TSPAN9: variants seen among roughly 807,000 people sequenced by gnomAD.
The protein encoded by TSPAN9 is tetraspanin-9.
TSPAN9 carries 16 observed loss-of-function variants against 31.0 expected under a neutral mutation model. That is an observed-to-expected ratio of 0.52 (90% confidence interval 0.35 to 0.78). The LOEUF (loss-of-function observed/expected upper bound fraction) is 0.78. TSPAN9 is among the 30% of genes least tolerant of loss of function. The probability of loss-of-function intolerance (pLI) is 0.01; values close to 1 mark genes in which losing one functional copy is unlikely to be tolerated. For synonymous variants in TSPAN9, 145 were observed against 121.6 expected (o/e 1.19, Z -1.27); for missense variants, 272 against 312.5 (o/e 0.87, Z 0.98).
chr12:3,261,684 T>G (rs914018712), intron 3 of TSPAN9, among the ~76,000 whole-genome samples: 1 of 152,198 alleles, frequency 6.6e-6, no homozygotes, highest in African/African-American at 2.4e-5. Flanking sequence ...TTTTGCGATT[T>G]GAGAAGCAAC....
intron 3 of TSPAN9, among the ~76,000 whole-genome samples, chr12:3,219,454 G>A (rs1048880768): frequency 1.3e-5 from 2 of 152,132 alleles, no homozygotes; most frequent in Non-Finnish European, 2.9e-5. Flanking sequence ...GGTGTGGGTC[G>A]GGCACCTGTC....
At chr12:3,223,699 T>C (rs137915609) in intron 3 of TSPAN9, among the ~76,000 whole-genome samples, 353 of 152,312 alleles carry the variant, frequency 2.3e-3, no homozygotes, top group Non-Finnish European at 3.9e-3. Context: ...GGAACACTCC[T>C]TATGGAGCTG....
intron 3 of TSPAN9, among the ~76,000 whole-genome samples, chr12:3,258,635 G>T (rs1207693502): frequency 6.6e-6 from 1 of 152,124 alleles, no homozygotes; most frequent in Admixed American, 6.5e-5. Context: ...CACCAAGGCT[G>T]CAGGGAGCTT....
chr12:3,155,566 C>T (rs1339500015), intron 2 of TSPAN9, among the ~76,000 whole-genome samples: 2 of 151,630 alleles, frequency 1.3e-5, no homozygotes, highest in Non-Finnish European at 2.9e-5. Flanking sequence ...GCCACTGTGG[C>T]CCTGATGACA....
At chr12:3,102,391 T>G (rs1400158317) in intron 2 of TSPAN9, among the ~76,000 whole-genome samples, 2 of 151,866 alleles carry the variant, frequency 1.3e-5, no homozygotes, top group Non-Finnish European at 2.9e-5. Flanking sequence ...GCTCCCAAAG[T>G]GCTGGGGTTA....
Position 3,285,893 on chromosome 12 carries a change from G to A in TSPAN9, c.*2777G>A, listed in dbSNP as rs1863006002. On this transcript the variant is annotated 3_prime_UTR_variant, in exon 9 of 9. Coordinates refer to ENST00000011898, the MANE Select transcript of TSPAN9 (RefSeq NM_006675.5). ...ACAGGCTGAGAACTGCTCTTGGGTG[G>A]TGGAAGCAGGTGTCACGGTGCAAGT... is the stretch of plus-strand genomic sequence containing the variant. The A allele has an allele frequency of 6.6e-6, 1 of 152,250 alleles. No individual in the cohort carries two copies. The highest frequency in any genetic ancestry group is 2.4e-5 in the African/African-American group (1 of 41,442). 9.4% of individuals were successfully genotyped at this position (152,250 alleles called of 1,614,324 possible). A position where few individuals can be genotyped will look rare whatever the true frequency, so the allele number is the denominator to read the frequency against.
Position 3,271,140 on chromosome 12 carries a change from C to A in TSPAN9, c.64-7281C>A, listed in dbSNP as rs111921990. Among the ~76,000 whole-genome samples the A allele has an allele frequency of 6.5e-3, 988 of 152,258 alleles. 13 individuals carry two copies. The highest frequency in any genetic ancestry group is 0.022 in the African/African-American group (931 of 41,538). ...GGCACAAAAATATGGGTGTCATCTC[C>A]CTGACACCTTTGTAAGTTGGTGAGA... On this transcript the variant is annotated intron_variant, in intron 3 of 8. Transcript: ENST00000011898.
At chr12:3,198,749 GCACAGCT>G (rs1243189200) in intron 2 of TSPAN9, among the ~76,000 whole-genome samples, 23 of 69,446 alleles carry the variant, frequency 3.3e-4, no homozygotes, top group Non-Finnish European at 5.5e-4. Context: ...GCCACCACCA[GCACAGCT>G]CACCACCAGC....
chr12:3,260,963 T>A (rs770927178), intron 3 of TSPAN9, among the ~76,000 whole-genome samples: 2 of 152,158 alleles, frequency 1.3e-5, no homozygotes, highest in African/African-American at 4.8e-5. Context: ...ATCAGCCATA[T>A]CCCTTGGGTT....
At chr12:3,190,228 G>A (rs1435350541) in intron 2 of TSPAN9, among the ~76,000 whole-genome samples, 7 of 152,212 alleles carry the variant, frequency 4.6e-5, no homozygotes, top group African/African-American at 7.2e-5. Flanking sequence ...GTTGCAGAGC[G>A]CCGTCCCAGC....
chr12:3,118,435 T>C (rs1444235457), intron 2 of TSPAN9, among the ~76,000 whole-genome samples: 1 of 151,514 alleles, frequency 6.6e-6, no homozygotes, highest in Non-Finnish European at 1.5e-5. Flanking sequence ...CTAATTTTTG[T>C]ATTTTTGTAG....
intron 3 of TSPAN9, among the ~76,000 whole-genome samples, chr12:3,253,922 G>A (rs911354499): frequency 1.3e-5 from 2 of 152,196 alleles, no homozygotes; most frequent in Non-Finnish European, 2.9e-5. Flanking sequence ...GCAGACTCTC[G>A]TGCAACAGGA....
At chr12:3,078,123 T>C (rs2098296040) in intron 1 of TSPAN9, among the ~76,000 whole-genome samples, 1 of 152,170 alleles carries the variant, frequency 6.6e-6, no homozygotes, top group Non-Finnish European at 1.5e-5. Flanking sequence ...CTTTGAAAAA[T>C]ATACGAGTCA....
intron 3 of TSPAN9, among the ~76,000 whole-genome samples, chr12:3,219,674 A>G (rs1348123831): frequency 6.6e-6 from 1 of 152,040 alleles, no homozygotes; most frequent in African/African-American, 2.4e-5. Flanking sequence ...AGGGAATGAT[A>G]GGGAGGGGAA....
rs554778225 is a variant in TSPAN9, at chr12:3,251,441, GAAGTTCTTTTTTCAA to G, written c.64-26959_64-26945del. Among the ~76,000 whole-genome samples, 1,500 of 151,594 alleles carry G rather than the reference GAAGTTCTTTTTTCAA, an allele frequency of 9.9e-3. 11 individuals are homozygous for G. The highest frequency in any genetic ancestry group is 0.013 in the Non-Finnish European group (912 of 68,002). ...ATGGTCATGTCTGAGAGGGGAGAAG[GAAGTTCTTTTTTCAA>G]AAGTTCTTTTTTCAAAAGTTGATTT... On this transcript the variant is annotated intron_variant, in intron 3 of 8. Transcript: ENST00000011898.
At chr12:3,133,400 T>C (rs1343908986) in intron 2 of TSPAN9, among the ~76,000 whole-genome samples, 1 of 151,368 alleles carries the variant, frequency 6.6e-6, no homozygotes, top group South Asian at 2.1e-4. Flanking sequence ...TTTTTTTTGC[T>C]GTAAAAAATA....
At chr12:3,120,316 A>G (rs1209892864) in intron 2 of TSPAN9, among the ~76,000 whole-genome samples, 2 of 152,128 alleles carry the variant, frequency 1.3e-5, no homozygotes, top group African/African-American at 4.8e-5. Flanking sequence ...CAGGGAACAC[A>G]GCTGGCTCTT....
intron 2 of TSPAN9, among the ~76,000 whole-genome samples, chr12:3,195,053 G>A (rs951607497): frequency 6.6e-6 from 1 of 152,232 alleles, no homozygotes; most frequent in African/African-American, 2.4e-5. Flanking sequence ...AGGCTCTTTT[G>A]GGTGGCAGTC....
chr12:3,276,393 C>T (rs77645959), intron 3 of TSPAN9, among the ~76,000 whole-genome samples: 4,616 of 152,322 alleles, frequency 0.03, 131 homozygotes, highest in Non-Finnish European at 0.038. Flanking sequence ...CCGGCCACCC[C>T]GCCTGCTTTG....
Sources: allele counts gnomAD v4.1 joint callset (sites outside exome capture counted in the v4.1 genomes callset), GRCh38; gene constraint gnomAD v4.1.1; transcripts MANE v1.5; gene names NCBI Gene and HGNC (gene_info 2026-07-23, HGNC 2026-07-21).